Variants in MGAT4A observed in about 807,000 individuals in gnomAD.
MGAT4A encodes the protein alpha-1,3-mannosyl-glycoprotein 4-beta-N-acetylglucosaminyltransferase A.
In MGAT4A, 33 loss-of-function variants were observed where a neutral mutation model predicts 74.1. That is an observed-to-expected ratio of 0.45 (90% CI 0.34 to 0.60). The LOEUF (loss-of-function observed/expected upper bound fraction) is 0.60. MGAT4A is among the 20% of genes least tolerant of loss of function. MGAT4A has a pLI of 0.02. For missense variants in MGAT4A, 479 were observed against 628.3 expected (o/e 0.76, Z 2.54); for synonymous variants, 198 against 210.4 (o/e 0.94, Z 0.51).
chr2:98,716,253 A>G (rs1702590096), intron 2 of MGAT4A, among the ~76,000 whole-genome samples: 1 of 152,184 alleles, frequency 6.6e-6, no homozygotes, highest in South Asian at 2.1e-4. Context: ...GGGCCCAGGA[A>G]GTCAAGGCTG....
At chr2:98,673,712 A>G (rs1701941452) in intron 4 of MGAT4A, among the ~76,000 whole-genome samples, 1 of 152,214 alleles carries the variant, frequency 6.6e-6, no homozygotes. Flanking sequence ...GAGACCTTGG[A>G]CATTTTAAAT....
chr2:98,619,120 T>A lies in MGAT4A; in HGVS notation c.*6446A>T, dbSNP rs1701008197. The A allele has an allele frequency of 6.6e-6, 1 of 152,620 alleles. No individual in the cohort carries two copies. The highest frequency in any genetic ancestry group is 1.5e-5 in the Non-Finnish European group (1 of 68,032). 9.5% of individuals were successfully genotyped at this position (152,620 alleles called of 1,614,324 possible). A position where few individuals can be genotyped will look rare whatever the true frequency, so the allele number is the denominator to read the frequency against. On this transcript the variant is annotated 3_prime_UTR_variant, in exon 16 of 16. Transcript: ENST00000393487. ...AATACTACTCATTAAGTTTCACCTA[T>A]TTTTATTAGAAGGAATCTTGAATTC...
intron 8 of MGAT4A, among the ~76,000 whole-genome samples, chr2:98,647,575 T>A (rs1701511036): frequency 6.6e-6 from 1 of 152,216 alleles, no homozygotes; most frequent in Admixed American, 6.5e-5. Context: ...CGCCTCGGCC[T>A]CTCAAAGTGT....
intron 4 of MGAT4A, among the ~76,000 whole-genome samples, chr2:98,671,943 C>CCA (rs1348916702): frequency 7.0e-5 from 2 of 28,616 alleles, no homozygotes; most frequent in African/African-American, 2.5e-4. Context: ...GTGGAAAAGG[C>CCA]AAAAAAAAAA....
chr2:98,658,283 G>C lies in MGAT4A; in HGVS notation c.538-19C>G. The C allele has an allele frequency of 6.8e-7, 1 of 1,477,988 alleles. No individual in the cohort carries two copies. Among genetic ancestry groups the C allele is most frequent in the Non-Finnish European group, 9.2e-7 (1 of 1,082,788 alleles). The allele number at this position is 1,477,988 out of a possible 1,614,324, so 91.6% of individuals were successfully genotyped here. On this transcript the variant is annotated intron_variant, in intron 5 of 15. Transcript: ENST00000393487. ...TATCTGTCTGGGAAAGAAAAAAAAT[G>C]TATCTATATTCAAGTTTTTATATTT... is the stretch of plus-strand genomic sequence containing the variant.
chr2:98,727,216 A>G (rs954841579), intron 1 of MGAT4A, among the ~76,000 whole-genome samples: 4 of 152,236 alleles, frequency 2.6e-5, no homozygotes, highest in African/African-American at 4.8e-5. Flanking sequence ...CCCAGGGTGT[A>G]AACTGGAACT....
intron 2 of MGAT4A, among the ~76,000 whole-genome samples, chr2:98,711,780 G>A (rs573351703): frequency 3.9e-4 from 59 of 152,250 alleles, no homozygotes; most frequent in African/African-American, 1.4e-3. Context: ...TGGGACCACA[G>A]ACAAAAGCCA....
intron 2 of MGAT4A, among the ~76,000 whole-genome samples, chr2:98,709,500 G>A (rs1192644989): frequency 6.6e-6 from 1 of 151,862 alleles, no homozygotes; most frequent in Non-Finnish European, 1.5e-5. Context: ...ACAAAAATAA[G>A]ACATTTTACA....
intron 8 of MGAT4A, among the ~76,000 whole-genome samples, chr2:98,648,914 A>G (rs545008311): frequency 6.7e-6 from 1 of 149,856 alleles, no homozygotes; most frequent in Non-Finnish European, 1.5e-5. Flanking sequence ...TGCATGCCTT[A>G]GTCCCAGCTT....
intron 2 of MGAT4A, among the ~76,000 whole-genome samples, chr2:98,697,407 G>T (rs1210448419): frequency 6.6e-6 from 1 of 152,186 alleles, no homozygotes; most frequent in African/African-American, 2.4e-5. Context: ...GGATGCAGGG[G>T]TTGGTGTGAC....
chr2:98,725,530 C>T (rs1702749206), intron 2 of MGAT4A, among the ~76,000 whole-genome samples: 1 of 151,566 alleles, frequency 6.6e-6, no homozygotes, highest in African/African-American at 2.4e-5. Flanking sequence ...TTCCATCTTT[C>T]TTCTCATCAT....
intron 9 of MGAT4A, 22 bp downstream of exon 9, chr2:98,645,406 G>GT (rs767936593): frequency 1.4e-6 from 2 of 1,465,394 alleles, no homozygotes; most frequent in Admixed American, 2.4e-5. Context: ...TGAAAAGTAG[G>GT]TAAGTGTGAC....
intron 2 of MGAT4A, chr2:98,694,618 GT>G (rs57396528): frequency 0.24 from 36,007 of 152,338 alleles, 5,027 homozygotes; most frequent in Non-Finnish European, 0.32. Flanking sequence ...GAGGTCAGGA[GT>G]TCGAGGCCAG....
In MGAT4A at chr2:98,625,403, CA is replaced by C. The variant is rs1448198797; in HGVS notation, c.*162del. 4.2e-6 allele frequency: 6 copies of C among 1,442,744 alleles called. No homozygotes were observed. The highest frequency in any genetic ancestry group is 2.9e-5 in the African/African-American group (2 of 68,830). The allele number at this position is 1,442,744 out of a possible 1,614,324, so 89.4% of individuals were successfully genotyped here. On this transcript the variant is annotated 3_prime_UTR_variant, in exon 16 of 16. Transcript: ENST00000393487. Reference sequence around the variant, plus strand: ...AGGACAGCTTAGTTTCAAACAAATACAATTATTATGGGAGATTCACTTTCCA... The same window carrying C: ...AGGACAGCTTAGTTTCAAACAAATACATTATTATGGGAGATTCACTTTCCA...
At chr2:98,653,410 T>G (rs1310931275) in intron 8 of MGAT4A, among the ~76,000 whole-genome samples, 2 of 143,222 alleles carry the variant, frequency 1.4e-5, no homozygotes, top group African/African-American at 2.6e-5. Context: ...TTTGAAAAGA[T>G]CAATAAAATT....
chr2:98,661,647 T>C (rs1701751549), intron 5 of MGAT4A, among the ~76,000 whole-genome samples: 1 of 152,176 alleles, frequency 6.6e-6, no homozygotes, highest in African/African-American at 2.4e-5. Flanking sequence ...AAAAGGGCTA[T>C]TTTAAGTTCA....
Position 98,624,319 on chromosome 2 carries a change from A to G in MGAT4A, c.*1247T>C, listed in dbSNP as rs1254077487. The G allele has an allele frequency of 2.6e-5, 25 of 974,480 alleles. No homozygotes were observed. Among genetic ancestry groups the G allele is most frequent in the Non-Finnish European group, 3.0e-5 (25 of 820,028 alleles). The allele number at this position is 974,480 out of a possible 1,614,324, so 60.4% of individuals were successfully genotyped here. On this transcript the variant is annotated 3_prime_UTR_variant, in exon 16 of 16. Coordinates refer to ENST00000393487, the MANE Select transcript of MGAT4A (RefSeq NM_012214.3). The stretch of plus-strand genomic sequence containing the variant: ...GAGCCACAGCGCCTGGTGATAATTC[A>G]TCATTTTTTAAAAGTACTTTTATAA...
At position 98,623,902 on chromosome 2, in the gene MGAT4A, C is replaced by G. The variant is rs1701100193; in HGVS notation, c.*1664G>C. On this transcript the variant is annotated 3_prime_UTR_variant, in exon 16 of 16. Transcript: ENST00000393487. ...CCAGCGCTAGGCCCCAGCCAGTGGT[C>G]ACTCTGAAAGCTCAGCAGAATCCAT... The G allele has an allele frequency of 1.0e-6, 1 of 985,396 alleles. No individual in the cohort carries two copies. The highest frequency in any genetic ancestry group is 1.7e-5 in the African/African-American group (1 of 57,256). 61.0% of individuals were successfully genotyped at this position (985,396 alleles called of 1,614,324 possible).
intron 2 of MGAT4A, among the ~76,000 whole-genome samples, chr2:98,700,502 TTTTG>T (rs1317346603): frequency 2.6e-5 from 4 of 152,082 alleles, no homozygotes; most frequent in Middle Eastern, 3.4e-3. Flanking sequence ...CCCAAAGACC[TTTTG>T]TTTATGTGAA....
Sources: allele counts gnomAD v4.1 joint callset (sites outside exome capture counted in the v4.1 genomes callset), GRCh38; gene constraint gnomAD v4.1.1; transcripts MANE v1.5; gene names NCBI Gene and HGNC (gene_info 2026-07-23, HGNC 2026-07-21).